The following HMGXB3 variants were observed in gnomAD, a reference collection of about 807,000 sequenced individuals.
The protein encoded by HMGXB3 is HMG domain-containing protein 3.
Under a neutral mutation model 121.5 loss-of-function variants are expected in HMGXB3, and 45 were observed. The observed-to-expected ratio is 0.37, with a 90% CI of 0.29 to 0.47. The LOEUF is 0.47. Among genes scored for constraint, HMGXB3 ranks in the 20% least tolerant of loss-of-function variants. The probability of loss-of-function intolerance (pLI) is 0.99; values close to 1 mark genes in which losing one functional copy is unlikely to be tolerated. For synonymous variants in HMGXB3, 590 were observed against 624.1 expected (o/e 0.95, Z 0.81); for missense variants, 1,376 against 1,602.2 (o/e 0.86, Z 2.41).
intron 19 of HMGXB3, among the ~76,000 whole-genome samples, chr5:150,051,094 A>T (rs216129): frequency 0.47 from 71,156 of 152,158 alleles, 19,605 homozygotes; most frequent in Non-Finnish European, 0.61. Flanking sequence ...TAAAAGGGGA[A>T]GCTAAGGCCC....
intron 5 of HMGXB3, among the ~76,000 whole-genome samples, chr5:150,018,235 C>T (rs1338170949): frequency 1.3e-5 from 2 of 152,128 alleles, no homozygotes; most frequent in Non-Finnish European, 2.9e-5. Context: ...GTACTTAATA[C>T]GATTGCTGAG....
intron 4 of HMGXB3, among the ~76,000 whole-genome samples, chr5:150,011,730 A>G (rs1240779571): frequency 6.7e-6 from 1 of 150,244 alleles, no homozygotes; most frequent in East Asian, 1.9e-4. Context: ...TCAGCCTCCA[A>G]GTAGCTGGGA....
chr5:150,032,636 C>A (rs1756407444), intron 11 of HMGXB3, 33 bp downstream of exon 11: 1 of 1,550,508 alleles, frequency 6.4e-7, no homozygotes, highest in Non-Finnish European at 8.7e-7. Context: ...ATCCCCTGGC[C>A]TGTTCTGGGC....
In HMGXB3 at chr5:150,024,620, C is replaced by T. The variant is rs1756182284; in HGVS notation, c.1400C>T (p.Pro467Leu). The T allele has an allele frequency of 1.9e-6, 3 of 1,551,720 alleles. No homozygotes were observed. Among genetic ancestry groups the T allele is most frequent in the East Asian group, 2.4e-5 (1 of 40,912 alleles). ...TDNDSPGADV[P>L]TPSEGTSTSS... ...AATGACAGTCCTGGAGCAGACGTAC[C>T]AACACCATCCGAGGGGACAAGTACC... The change falls in exon 7 of 20, where the codon CCA becomes CTA. Residue 467 changes from proline to leucine, a missense_variant. By Grantham distance (98) the Pro-to-Leu change is moderately conservative. Around this residue, in one of 2 missense-constraint regions of HMGXB3, gnomAD observed 1,116 missense variants for 1,369.0 expected, o/e 0.82. Coordinates refer to ENST00000502717, the MANE Select transcript of HMGXB3 (RefSeq NM_014983.3).
chr5:150,046,609 G>A (rs868552531), intron 16 of HMGXB3, among the ~76,000 whole-genome samples: 4 of 152,072 alleles, frequency 2.6e-5, no homozygotes, highest in Non-Finnish European at 5.9e-5. Context: ...TCAGGAGATC[G>A]AGACCATCCT....
intron 9 of HMGXB3, among the ~76,000 whole-genome samples, chr5:150,028,553 ATATATATTT>A (rs1561869899): frequency 3.4e-5 from 2 of 59,074 alleles, no homozygotes; most frequent in Admixed American, 1.8e-4. Context: ...ATATATATAT[ATATATATTT>A]TTTTTTTTTT....
rs184646186 is a variant in HMGXB3, at chr5:150,028,426, A to G, written c.1734+1309A>G. 1.0e-3 allele frequency among the ~76,000 whole-genome samples: 150 copies of G among 144,034 alleles called. 2 individuals carry two copies. In the East Asian group the frequency reaches 0.012, roughly 11 times the overall value. The allele number at this position is 144,034 out of a possible 152,430, so 94.5% of individuals were successfully genotyped here. ...CCCGATTTTATATATATATATATGT[A>G]TATATATATATGTATGTGTGTGTAT... On this transcript the variant is annotated intron_variant, in intron 9 of 19. Coordinates refer to ENST00000502717, the MANE Select transcript of HMGXB3 (RefSeq NM_014983.3).
chr5:150,012,112 A>G (rs1468142405), intron 4 of HMGXB3, 143 bp from the exon 5 acceptor site: 10 of 615,030 alleles, frequency 1.6e-5, no homozygotes, highest in Non-Finnish European at 2.9e-5. Flanking sequence ...TGAGATAATC[A>G]TAAATTCATT....
chr5:150,028,541 G>GTGTATATATA (rs1203886454), intron 9 of HMGXB3, among the ~76,000 whole-genome samples: 2 of 42,090 alleles, frequency 4.8e-5, no homozygotes, highest in South Asian at 8.2e-4. Flanking sequence ...GTGTGTGTGT[G>GTGTATATATA]TATATATATA....
At chr5:150,011,901 C>T (rs886356094) in intron 4 of HMGXB3, among the ~76,000 whole-genome samples, 9 of 152,124 alleles carry the variant, frequency 5.9e-5, no homozygotes, top group South Asian at 2.1e-4. Context: ...CGTGAGCCGC[C>T]GTGCCCGGCC....
chr5:150,033,556 G>A (rs1285346936), intron 11 of HMGXB3, among the ~76,000 whole-genome samples: 1 of 152,134 alleles, frequency 6.6e-6, no homozygotes, highest in South Asian at 2.1e-4. Flanking sequence ...GAGATGGCGT[G>A]GGGGCATGGG....
intron 9 of HMGXB3, among the ~76,000 whole-genome samples, chr5:150,028,462 ATATATATGTGTGTTTGATATATATATG>A (rs1756285925): frequency 7.1e-6 from 1 of 140,542 alleles, no homozygotes; most frequent in Non-Finnish European, 1.5e-5. Flanking sequence ...ATATATATGT[ATATATATGTGTGTTTGATATATATATG>A]TATATATATG....
rs1489764450 is a variant in HMGXB3 at position 150,051,895 on chromosome 5, C to T, written c.3582C>T (p.Cys1194=). Reference sequence around the variant, plus strand: ...CTGGGCACCACTCCTTGGCCCTGTGCCCTGAATTGGCACCTTACGCAACCA... The same window carrying T: ...CTGGGCACCACTCCTTGGCCCTGTGTCCTGAATTGGCACCTTACGCAACCA... ...PSAGHHSLAL[C]PELAPYATIL... The change falls in exon 20 of 20, where the codon TGC becomes TGT. Residue 1194 remains cysteine, a synonymous_variant. Coordinates refer to ENST00000502717, the MANE Select transcript of HMGXB3 (RefSeq NM_014983.3). The T allele has an allele frequency of 3.9e-6, 6 of 1,551,786 alleles. No homozygotes were observed. The highest frequency in any genetic ancestry group is 4.9e-5 in the East Asian group (2 of 40,922).
In HMGXB3 at chr5:150,052,225, T is replaced by G; in HGVS notation, c.*33T>G. The G allele has an allele frequency of 4.1e-6, 6 of 1,475,480 alleles. No individual in the cohort carries two copies. Among genetic ancestry groups the G allele is most frequent in the South Asian group, 1.3e-5 (1 of 78,626 alleles). 91.4% of individuals were successfully genotyped at this position (1,475,480 alleles called of 1,614,324 possible). On this transcript the variant is annotated 3_prime_UTR_variant, in exon 20 of 20. Coordinates refer to ENST00000502717, the MANE Select transcript of HMGXB3 (RefSeq NM_014983.3). ...TGTTGTACAGGGACTACACCATCTC[T>G]CAAGCCATAGTAAGGCCCTTGCCTG...
At chr5:150,013,353 G>A (rs116075648) in intron 5 of HMGXB3, among the ~76,000 whole-genome samples, 3 of 152,034 alleles carry the variant, frequency 2.0e-5, no homozygotes, top group Admixed American at 6.5e-5. Flanking sequence ...AGAATTTTCC[G>A]GAAGTTGGTT....
chr5:150,002,744 T>G (rs1755605306), intron 1 of HMGXB3, among the ~76,000 whole-genome samples: 1 of 152,248 alleles, frequency 6.6e-6, no homozygotes, highest in Non-Finnish European at 1.5e-5. Flanking sequence ...TGTTAGTAGA[T>G]TCTCTGTTTT....
At chr5:150,025,497 T>A (rs1224907436) in intron 7 of HMGXB3, among the ~76,000 whole-genome samples, 2 of 143,478 alleles carry the variant, frequency 1.4e-5, no homozygotes, top group Non-Finnish European at 3.0e-5. Context: ...GTATATATAT[T>A]TTTCCCATTT....
intron 16 of HMGXB3, 115 bp from the exon 17 acceptor site, chr5:150,047,509 C>G (rs1756785427): frequency 7.9e-7 from 1 of 1,263,524 alleles, no homozygotes; most frequent in South Asian, 1.5e-5. Flanking sequence ...TCTGCCAGCA[C>G]TGGGGGAGGG....
intron 14 of HMGXB3, among the ~76,000 whole-genome samples, chr5:150,041,354 A>C (rs1581264399): frequency 6.6e-6 from 1 of 152,286 alleles, no homozygotes; most frequent in African/African-American, 2.4e-5. Context: ...TGCTGTGAGA[A>C]CAGATGGAGT....
Sources: gnomAD v4.1 joint callset for allele counts (sites outside exome capture counted in the v4.1 genomes callset) on GRCh38, gnomAD v4.1.1 for gene constraint, gnomAD v4.1.1 regional missense constraint, MANE v1.5 for transcripts, NCBI Gene and HGNC (gene_info 2026-07-23, HGNC 2026-07-21) for gene names.